The following CREM variants were observed in gnomAD, a reference collection of about 807,000 sequenced individuals.
CREM encodes the protein cAMP-responsive element modulator.
In CREM, 13 loss-of-function variants were observed where a neutral mutation model predicts 37.3. The ratio of observed to expected loss-of-function variants is 0.35; its 90% CI spans 0.23 to 0.55. The LOEUF (loss-of-function observed/expected upper bound fraction) is 0.55, where lower values mean the gene tolerates loss of function less well. Among genes scored for constraint, CREM ranks in the 20% least tolerant of loss-of-function variants. The pLI is 0.88. For missense variants in CREM, 296 were observed against 362.3 expected (o/e 0.82, Z 1.49); for synonymous variants, 124 against 120.2 (o/e 1.03, Z -0.21).
chr10:35,177,484 G>C (rs1045762052), intron 3 of CREM, among the ~76,000 whole-genome samples: 4 of 152,294 alleles, frequency 2.6e-5, no homozygotes, highest in African/African-American at 9.6e-5. Flanking sequence ...ATTTAATAGA[G>C]ACAGAATTCT....
chr10:35,139,362 C>T (rs2091106271), intron 2 of CREM, among the ~76,000 whole-genome samples: 1 of 152,158 alleles, frequency 6.6e-6, no homozygotes, highest in Non-Finnish European at 1.5e-5. Flanking sequence ...TCAGGTGATC[C>T]ACCTGCCTAG....
At chr10:35,198,908 G>A (rs1016925216) in intron 6 of CREM, among the ~76,000 whole-genome samples, 1 of 152,236 alleles carries the variant, frequency 6.6e-6, no homozygotes, top group Non-Finnish European at 1.5e-5. Flanking sequence ...CCAGCACTTT[G>A]GGAGACCGAG....
At chr10:35,185,977 T>C (rs2094540314) in intron 5 of CREM, among the ~76,000 whole-genome samples, 1 of 152,260 alleles carries the variant, frequency 6.6e-6, no homozygotes, top group Non-Finnish European at 1.5e-5. Context: ...TATCAGGTTA[T>C]CGCCTAAGTG....
intron 1 of CREM, among the ~76,000 whole-genome samples, chr10:35,137,307 A>G (rs906337603): frequency 2.0e-5 from 3 of 152,228 alleles, no homozygotes; most frequent in African/African-American, 7.2e-5. Flanking sequence ...ATTTTTTAAC[A>G]AAAACCCAAG....
intron 3 of CREM, among the ~76,000 whole-genome samples, chr10:35,160,103 G>T (rs2093195206): frequency 6.6e-6 from 1 of 152,032 alleles, no homozygotes; most frequent in African/African-American, 2.4e-5. Flanking sequence ...CACAAACCTG[G>T]ATGGTATAGC....
chr10:35,131,429 A>AT (rs1315073317), intron 1 of CREM, among the ~76,000 whole-genome samples: 1 of 152,102 alleles, frequency 6.6e-6, no homozygotes, highest in South Asian at 2.1e-4. Flanking sequence ...CTTAATCTCA[A>AT]TTTTTTTATT....
intron 3 of CREM, chr10:35,175,513 C>T: frequency 1.4e-5 from 9 of 641,074 alleles, no homozygotes. Flanking sequence ...GTAGTTTATA[C>T]TCTGGCCTAA....
At chr10:35,203,078 A>G (rs968646027) in intron 6 of CREM, among the ~76,000 whole-genome samples, 1 of 151,388 alleles carries the variant, frequency 6.6e-6, no homozygotes, top group Non-Finnish European at 1.5e-5. Flanking sequence ...TTCCTGAGAC[A>G]GGGTCTTACT....
chr10:35,149,592 A>T (rs911976711), intron 3 of CREM, among the ~76,000 whole-genome samples: 3 of 152,154 alleles, frequency 2.0e-5, no homozygotes, highest in Non-Finnish European at 2.9e-5. Flanking sequence ...GTAGCGTGAG[A>T]TACAGAGCAG....
intron 5 of CREM, among the ~76,000 whole-genome samples, chr10:35,183,049 G>T (rs763364598): frequency 6.6e-6 from 1 of 152,100 alleles, no homozygotes; most frequent in Non-Finnish European, 1.5e-5. Context: ...TGAAACAAAG[G>T]TTACTTAAAT....
At position 35,188,202 on chromosome 10, in the gene CREM, G is replaced by A. The variant is rs754417344; in HGVS notation, c.412G>A (p.Ala138Thr). Residue 138 changes from alanine (A) to threonine (T), a missense_variant and splice_region_variant, in exon 6 of 8, where the codon GCT becomes ACT. Around this residue, in one of 2 missense-constraint regions of CREM, gnomAD observed 257 missense variants for 280.2 expected, o/e 0.92. Coordinates refer to ENST00000685392, the MANE Select transcript of CREM (RefSeq NM_183011.2). ...ATTTCTTTTCTTTTTCTGTTAAGTT[G>A]CTATAGCCCAAGGTGGAACAATCCA... Reference protein sequence around the residue: ...IYQTSTGQYIAIAQGGTIQIS... With the variant: ...IYQTSTGQYITIAQGGTIQIS... 7 of 1,599,594 alleles carry A rather than the reference G, an allele frequency of 4.4e-6. No individual in the cohort carries two copies. The highest frequency in any genetic ancestry group is 1.8e-5 in the Admixed American group (1 of 55,122).
intron 3 of CREM, among the ~76,000 whole-genome samples, chr10:35,172,031 TCA>T (rs2093843887): frequency 6.6e-6 from 1 of 152,142 alleles, no homozygotes; most frequent in Admixed American, 6.5e-5. Context: ...TCCAGAGAGC[TCA>T]GTTTGGAATC....
At chr10:35,145,544 G>C (rs1183045911) in intron 2 of CREM, among the ~76,000 whole-genome samples, 1 of 152,152 alleles carries the variant, frequency 6.6e-6, no homozygotes, top group Non-Finnish European at 1.5e-5. Flanking sequence ...ACTTTGGGAG[G>C]CCAAGGCAGG....
In CREM at chr10:35,195,491, C is replaced by G. The variant is rs116593634; in HGVS notation, c.598+7103C>G. Among the ~76,000 whole-genome samples, 1,481 of 152,018 alleles carry G rather than the reference C, an allele frequency of 9.7e-3. 32 individuals carry two copies. The highest frequency in any genetic ancestry group is 0.034 in the African/African-American group (1,418 of 41,434). On this transcript the variant is annotated intron_variant, in intron 6 of 7. Coordinates refer to ENST00000685392, the MANE Select transcript of CREM (RefSeq NM_183011.2). ...CTCCCCTCCTCCCCACTCTTCCCCT[C>G]CTCTTCTCTTCCCCTCTCCTCCATC...
intron 6 of CREM, among the ~76,000 whole-genome samples, chr10:35,198,015 T>A (rs1044039135): frequency 1.3e-5 from 2 of 152,312 alleles, no homozygotes; most frequent in African/African-American, 4.8e-5. Flanking sequence ...ATAATTCTTA[T>A]CCTTACAAAA....
chr10:35,168,910 A>G (rs555468130), intron 3 of CREM, among the ~76,000 whole-genome samples: 69 of 152,160 alleles, frequency 4.5e-4, no homozygotes, highest in Admixed American at 2.7e-3. Context: ...ATGGTTGTAG[A>G]TGTGTGGTAT....
At chr10:35,186,374 C>T (rs768066650) in intron 5 of CREM, among the ~76,000 whole-genome samples, 3 of 151,942 alleles carry the variant, frequency 2.0e-5, no homozygotes, top group Non-Finnish European at 4.4e-5. Context: ...ACATGACTGG[C>T]AGATCTCAGT....
chr10:35,150,450 TTATC>T (rs1159597724), intron 3 of CREM, among the ~76,000 whole-genome samples: 5 of 152,152 alleles, frequency 3.3e-5, no homozygotes, highest in Non-Finnish European at 7.4e-5. Context: ...TAGATTTCCA[TTATC>T]TAAATATGGT....
intron 3 of CREM, among the ~76,000 whole-genome samples, chr10:35,156,158 C>T (rs954056761): frequency 1.3e-5 from 2 of 151,898 alleles, no homozygotes; most frequent in Non-Finnish European, 2.9e-5. Flanking sequence ...CCAGGATGGT[C>T]TCAATCTCCT....
Sources: gnomAD v4.1 joint callset for allele counts (sites outside exome capture counted in the v4.1 genomes callset) on GRCh38, gnomAD v4.1.1 for gene constraint, gnomAD v4.1.1 regional missense constraint, MANE v1.5 for transcripts, NCBI Gene and HGNC (gene_info 2026-07-23, HGNC 2026-07-21) for gene names.